The following DOP1B variants were observed in gnomAD, a reference collection of about 807,000 sequenced individuals.
The protein encoded by DOP1B is protein DOP1B.
In DOP1B, 174 loss-of-function variants were observed where a neutral mutation model predicts 233.5. The observed-to-expected ratio is 0.75, with a 90% CI of 0.66 to 0.85. The LOEUF is 0.85. Ranked by LOEUF, DOP1B falls within the 40% of genes least tolerant of loss-of-function variation. DOP1B has a pLI of 0.00. For synonymous variants in DOP1B, 1,190 were observed against 1,185.6 expected (o/e 1.00, Z -0.08); for missense variants, 2,652 against 2,846.6 (o/e 0.93, Z 1.56).
chr21:36,176,583 G>T (rs2066034698), intron 2 of DOP1B, among the ~76,000 whole-genome samples: 1 of 152,180 alleles, frequency 6.6e-6, no homozygotes, highest in African/African-American at 2.4e-5. Flanking sequence ...GGCCAGGTAA[G>T]TGCAGGGCCA....
chr21:36,270,199 C>T (rs779967217), intron 27 of DOP1B, 42 bp downstream of exon 27: 15 of 1,597,714 alleles, frequency 9.4e-6, no homozygotes, highest in African/African-American at 2.7e-5. Flanking sequence ...CTGGTCAGCG[C>T]GTGGTTCTGG....
intron 20 of DOP1B, among the ~76,000 whole-genome samples, chr21:36,248,108 C>T (rs2066990303): frequency 6.6e-6 from 1 of 151,990 alleles, no homozygotes; most frequent in Non-Finnish European, 1.5e-5. Context: ...TGTAGAATAC[C>T]CTGGGATTAA....
At chr21:36,178,876 T>G (rs2066062692) in intron 2 of DOP1B, among the ~76,000 whole-genome samples, 1 of 152,200 alleles carries the variant, frequency 6.6e-6, no homozygotes, top group Non-Finnish European at 1.5e-5. Flanking sequence ...GACATAACGT[T>G]TATCCCTGTG....
Position 36,237,255 on chromosome 21 carries a change from G to A in DOP1B, c.2623-7G>A. The A allele has an allele frequency of 6.2e-7, 1 of 1,614,130 alleles. No homozygotes were observed. On this transcript the variant is annotated splice_polypyrimidine_tract_variant and splice_region_variant and intron_variant, in intron 15 of 36. Transcript: ENST00000691173. ...GTCCCCCACCGCCTGCCTTTTCCTT[G>A]TCCCAGAGGGTGGCTCGTGTGCTTT... is the stretch of plus-strand genomic sequence containing the variant.
At chr21:36,215,733 G>A (rs1220196234) in intron 9 of DOP1B, among the ~76,000 whole-genome samples, 1 of 147,482 alleles carries the variant, frequency 6.8e-6, no homozygotes, top group Non-Finnish European at 1.5e-5. Context: ...AGAAATTTGC[G>A]ACCAGGCACG....
chr21:36,235,868 G>A (rs139681929), intron 15 of DOP1B, among the ~76,000 whole-genome samples: 20 of 147,708 alleles, frequency 1.4e-4, no homozygotes, highest in African/African-American at 4.2e-4. Flanking sequence ...GAAGTCGGGG[G>A]GGGGGCGGTC....
In DOP1B at chr21:36,234,215, C is replaced by A. The variant is rs141856781; in HGVS notation, c.2622+1140C>A. Among the ~76,000 whole-genome samples, 1,258 of 152,180 alleles carry A rather than the reference C, an allele frequency of 8.3e-3. 12 individuals are homozygous for A. The highest frequency in any genetic ancestry group is 0.061 in the Middle Eastern group (18 of 294). On this transcript the variant is annotated intron_variant, in intron 15 of 36. Transcript: ENST00000691173. ...CTGCTAGAGTTGAGTCACATTAGAT[C>A]TTGAATAGACAGAACTTGAAACCAG...
chr21:36,199,433 GCTTT>G (rs150313939), intron 3 of DOP1B, among the ~76,000 whole-genome samples, 182 bp downstream of exon 3: 8,743 of 151,964 alleles, frequency 0.058, 288 homozygotes, highest in African/African-American at 0.097. Context: ...TCCTAACTTT[GCTTT>G]CTTTCTTTTT....
chr21:36,237,500 G>A (rs548418935), intron 16 of DOP1B, 86 bp downstream of exon 16: 587 of 1,542,606 alleles, frequency 3.8e-4, no homozygotes, highest in Non-Finnish European at 4.8e-4. Context: ...CCATTCGGTC[G>A]AAGTCTTTCT....
intron 12 of DOP1B, among the ~76,000 whole-genome samples, chr21:36,226,392 G>T (rs1379145189): frequency 6.6e-6 from 1 of 151,748 alleles, no homozygotes; most frequent in Non-Finnish European, 1.5e-5. Context: ...CCGCCTCTGG[G>T]GTTCAAGTGA....
At chr21:36,262,917 AAAT>A (rs1042766718) in intron 24 of DOP1B, among the ~76,000 whole-genome samples, 8 of 135,712 alleles carry the variant, frequency 5.9e-5, no homozygotes, top group African/African-American at 1.6e-4. Context: ...ATAAATAAAT[AAAT>A]AAATAAAATA....
In DOP1B at chr21:36,211,663, G is replaced by C. The variant is rs747455630; in HGVS notation, c.780+12G>C. 1 of 1,612,284 alleles carries C rather than the reference G, an allele frequency of 6.2e-7. No individual in the cohort carries two copies. On this transcript the variant is annotated intron_variant, in intron 6 of 36. Coordinates refer to ENST00000691173, the MANE Select transcript of DOP1B (RefSeq NM_001320714.2). ...TTTATACCTGTCTGGTAAGTAATTT[G>C]TACTCTTCTGGTAAGTCACTGGTGT...
At chr21:36,178,864 T>C (rs571150330) in intron 2 of DOP1B, among the ~76,000 whole-genome samples, 1 of 152,354 alleles carries the variant, frequency 6.6e-6, no homozygotes, top group East Asian at 1.9e-4. Flanking sequence ...TTAAAGAGTT[T>C]TGACATAACG....
intron 2 of DOP1B, among the ~76,000 whole-genome samples, chr21:36,180,674 A>C (rs1162780906): frequency 6.6e-6 from 1 of 152,124 alleles, no homozygotes. Flanking sequence ...TGAGGTCAGG[A>C]GTTCGAGACC....
At chr21:36,266,868 C>T (rs2067236482) in intron 26 of DOP1B, among the ~76,000 whole-genome samples, 1 of 152,206 alleles carries the variant, frequency 6.6e-6, no homozygotes, top group African/African-American at 2.4e-5. Context: ...CAATATCACA[C>T]CCGTCCACTC....
chr21:36,190,335 A>G (rs184068071), intron 2 of DOP1B, among the ~76,000 whole-genome samples: 4 of 151,802 alleles, frequency 2.6e-5, no homozygotes, highest in African/African-American at 9.7e-5. Flanking sequence ...CTAAATAAAT[A>G]AATTAATTAA....
intron 7 of DOP1B, among the ~76,000 whole-genome samples, chr21:36,213,574 T>G (rs545654228): frequency 6.6e-6 from 1 of 151,512 alleles, no homozygotes; most frequent in Non-Finnish European, 1.5e-5. Flanking sequence ...GTGGATCACC[T>G]GAGGTCAGGA....
At chr21:36,251,655 A>G (rs1204204066) in intron 22 of DOP1B, among the ~76,000 whole-genome samples, 2 of 152,278 alleles carry the variant, frequency 1.3e-5, no homozygotes, top group Admixed American at 6.5e-5. Context: ...TCCTGACCTC[A>G]GGTGACCCAC....
At chr21:36,280,451 C>G in intron 31 of DOP1B, 105 bp downstream of exon 31, 1 of 720,900 alleles carries the variant, frequency 1.4e-6, no homozygotes, top group Middle Eastern at 2.5e-4. Flanking sequence ...TTTCATGGTG[C>G]TGTCTACGCC....
Sources: allele counts gnomAD v4.1 joint callset (sites outside exome capture counted in the v4.1 genomes callset), GRCh38; gene constraint gnomAD v4.1.1; transcripts MANE v1.5; gene names NCBI Gene and HGNC (gene_info 2026-07-23, HGNC 2026-07-21).